The following DIS3L variants were observed in gnomAD, a reference collection of about 807,000 sequenced individuals.
The protein encoded by DIS3L is DIS3-like exonuclease 1.
A neutral mutation model predicts 120.3 loss-of-function variants in DIS3L; 100 were observed. The observed-to-expected ratio is 0.83, with a 90% confidence interval of 0.71 to 0.98. The LOEUF is 0.98. Ranked by LOEUF, DIS3L falls within the 50% of genes least tolerant of loss-of-function variation. DIS3L has a pLI of 0.00. For synonymous variants in DIS3L, 426 were observed against 470.6 expected (o/e 0.91, Z 1.23); for missense variants, 1,196 against 1,314.2 (o/e 0.91, Z 1.39).
chr15:66,304,895 C>T lies in DIS3L; in HGVS notation c.294-1929C>T, dbSNP rs1302296978. On this transcript the variant is annotated intron_variant, in intron 2 of 16. Transcript: ENST00000319212. ...CAACCTAGGCAACAGAGTAAGACTC[C>T]GTCTCAAAAAAAAAAAAAAAAAAGG... Among the ~76,000 whole-genome samples the T allele has an allele frequency of 3.7e-5, 5 of 133,458 alleles. No homozygotes were observed. The South Asian group carries it at 7.3e-4, about 19-fold the overall frequency. 87.6% of individuals were successfully genotyped at this position (133,458 alleles called of 152,430 possible). A position where few individuals can be genotyped will look rare whatever the true frequency, so the allele number is the denominator to read the frequency against.
intron 8 of DIS3L, among the ~76,000 whole-genome samples, chr15:66,320,290 T>G (rs575935989): frequency 1.3e-5 from 2 of 152,128 alleles, no homozygotes; most frequent in Non-Finnish European, 2.9e-5. Context: ...AACTAGAATA[T>G]ATTACGGCTC....
At chr15:66,310,407 TAC>T (rs1414495310) in intron 4 of DIS3L, among the ~76,000 whole-genome samples, 1 of 152,230 alleles carries the variant, frequency 6.6e-6, no homozygotes, top group Non-Finnish European at 1.5e-5. Context: ...AGTGGTATAG[TAC>T]AGTTTTATTT....
chr15:66,307,774 G>A (rs947442570), intron 3 of DIS3L, among the ~76,000 whole-genome samples: 4 of 152,036 alleles, frequency 2.6e-5, no homozygotes, highest in African/African-American at 9.7e-5. Flanking sequence ...GTGAAGAAGC[G>A]GGGAGAGTGA....
chr15:66,331,713 C>T lies in DIS3L; in HGVS notation c.2536-162C>T, dbSNP rs1566962983. 1.3e-5 allele frequency: 9 copies of T among 673,168 alleles called. No homozygotes were observed. In the East Asian group the frequency reaches 1.9e-4, roughly 14 times the overall value. The allele number at this position is 673,168 out of a possible 1,614,324, so 41.7% of individuals were successfully genotyped here. ...CTAAGACATTTTTGAGGAGATAATA[C>T]TAGATGGTTAAGTTCCCACAAAAAG... On this transcript the variant is annotated intron_variant, in intron 14 of 16. Transcript: ENST00000319212.
In DIS3L at chr15:66,333,423, A is replaced by G; in HGVS notation, c.*111A>G. On this transcript the variant is annotated 3_prime_UTR_variant, in exon 17 of 17. Transcript: ENST00000319212. ...TCTAGTCGATCAGGACTGGGTAGCT[A>G]TTTCGCATATATGTAAAATGTTCTC... The G allele has an allele frequency of 3.4e-6, 4 of 1,180,318 alleles. No individual in the cohort carries two copies. The highest frequency in any genetic ancestry group is 1.6e-5 in the South Asian group (1 of 62,364). 73.1% of individuals were successfully genotyped at this position (1,180,318 alleles called of 1,614,324 possible).
intron 2 of DIS3L, among the ~76,000 whole-genome samples, chr15:66,301,432 C>T (rs975192426): frequency 2.6e-5 from 4 of 152,036 alleles, no homozygotes; most frequent in Non-Finnish European, 1.5e-5. Context: ...AGGCACCCAC[C>T]ATCATGCCTC....
chr15:66,294,415 G>GA (rs2092562731), intron 1 of DIS3L: 1 of 985,506 alleles, frequency 1.0e-6, no homozygotes, highest in African/African-American at 1.7e-5. Context: ...CCTTGTCAGC[G>GA]AATGTGTGGA....
At chr15:66,296,842 C>T (rs1367677843) in intron 2 of DIS3L, among the ~76,000 whole-genome samples, 1 of 152,128 alleles carries the variant, frequency 6.6e-6, no homozygotes, top group Non-Finnish European at 1.5e-5. Flanking sequence ...CTTAGTCCCT[C>T]TAACAACAAA....
At chr15:66,298,840 A>C (rs1477515844) in intron 2 of DIS3L, among the ~76,000 whole-genome samples, 1 of 152,262 alleles carries the variant, frequency 6.6e-6, no homozygotes, top group East Asian at 1.9e-4. Context: ...CCAAGAGACT[A>C]TATGTGCCAG....
chr15:66,307,223 T>C (rs2092710881), intron 3 of DIS3L, among the ~76,000 whole-genome samples: 1 of 152,190 alleles, frequency 6.6e-6, no homozygotes, highest in Non-Finnish European at 1.5e-5. Flanking sequence ...ATCATTCCAG[T>C]GAACTAGAAG....
At position 66,320,599 on chromosome 15, in the gene DIS3L, C is replaced by G. The variant is rs2092872863; in HGVS notation, c.1193C>G (p.Ser398Cys). The G allele has an allele frequency of 6.2e-7, 1 of 1,613,566 alleles. No homozygotes were observed. Among genetic ancestry groups the G allele is most frequent in the Non-Finnish European group, 8.5e-7 (1 of 1,179,848 alleles). The change falls in exon 9 of 17, where the codon TCC (serine) becomes TGC (cysteine). Residue 398 changes from serine to cysteine, a missense_variant. By Grantham distance (112) the Ser-to-Cys change is moderately radical (BLOSUM62 -1). Transcript: ENST00000319212. ...TTCAGGGTGGTCGTGCGCATCGATT[C>G]CTGGGAGTCAACATCTGTGTATCCA... ...QDFRVVVRID[S>C]WESTSVYPNG...
chr15:66,320,834 A>G, intron 9 of DIS3L, 102 bp downstream of exon 9: 3 of 1,404,418 alleles, frequency 2.1e-6, no homozygotes, highest in Non-Finnish European at 1.9e-6. Flanking sequence ...GGAACAACCC[A>G]CTGTGTGAAG....
At position 66,301,746 on chromosome 15, in the gene DIS3L, C is replaced by T. The variant is rs145397483; in HGVS notation, c.294-5078C>T. 1.9e-3 allele frequency among the ~76,000 whole-genome samples: 296 copies of T among 152,268 alleles called. 2 individuals carry two copies. The East Asian group carries it at 0.038, about 20-fold the overall frequency. On this transcript the variant is annotated intron_variant, in intron 2 of 16. Transcript: ENST00000319212. ...AAAATATGACTATATCATATGTATGCGCTATTAAATTATAACTGTAAGCCC... is the reference window on the plus strand; with the variant it reads ...AAAATATGACTATATCATATGTATGTGCTATTAAATTATAACTGTAAGCCC...
At chr15:66,331,371 CA>C (rs957216977) in intron 14 of DIS3L, 2 of 152,102 alleles carry the variant, frequency 1.3e-5, no homozygotes, top group Non-Finnish European at 2.9e-5. Flanking sequence ...CTGGCTAACA[CA>C]GTGAAACCCC....
chr15:66,305,991 T>A (rs996620359), intron 2 of DIS3L, among the ~76,000 whole-genome samples: 2 of 152,182 alleles, frequency 1.3e-5, no homozygotes, highest in Admixed American at 6.5e-5. Flanking sequence ...GAAGGATCTT[T>A]TTTGTTGTTG....
chr15:66,313,587 G>A (rs1313071140), intron 5 of DIS3L, among the ~76,000 whole-genome samples: 1 of 151,902 alleles, frequency 6.6e-6, no homozygotes, highest in East Asian at 1.9e-4. Flanking sequence ...AAAATTAGCT[G>A]AGCGTGGTGG....
intron 7 of DIS3L, among the ~76,000 whole-genome samples, chr15:66,315,476 CACTT>C (rs2092808181): frequency 6.6e-6 from 1 of 152,148 alleles, no homozygotes; most frequent in African/African-American, 2.4e-5. Flanking sequence ...GTGATGAAAA[CACTT>C]AAGATCTACT....
At chr15:66,300,678 C>T (rs531026816) in intron 2 of DIS3L, among the ~76,000 whole-genome samples, 25 of 151,982 alleles carry the variant, frequency 1.6e-4, no homozygotes, top group African/African-American at 5.6e-4. Context: ...TGTGAGATGG[C>T]GGGGAAGGTA....
rs748299880 is a variant in DIS3L, at chr15:66,332,025, G to GT, written c.2681+7dup. 6.2e-7 allele frequency: 1 copy of GT among 1,605,010 alleles called. No homozygotes were observed. The highest frequency in any genetic ancestry group is 1.3e-5 in the African/African-American group (1 of 74,930). The stretch of plus-strand genomic sequence containing the variant: ...TGTGCTTCTATTTATACCAAGGTAT[G>GT]TTACATCTAATGCAATGGTGCATAA... On this transcript the variant is annotated splice_donor_region_variant and intron_variant, in intron 15 of 16. Transcript: ENST00000319212.
Sources: gnomAD v4.1 joint callset for allele counts (sites outside exome capture counted in the v4.1 genomes callset) on GRCh38, gnomAD v4.1.1 for gene constraint, MANE v1.5 for transcripts, NCBI Gene and HGNC (gene_info 2026-07-23, HGNC 2026-07-21) for gene names.